Variants in CCT6A observed in about 807,000 individuals in gnomAD.
CCT6A encodes chaperonin containing TCP1 subunit 6A.
CCT6A carries 6 observed loss-of-function variants against 58.6 expected under a neutral mutation model. The ratio of observed to expected loss-of-function variants is 0.10; its 90% CI spans 0.06 to 0.20. The LOEUF (loss-of-function observed/expected upper bound fraction) is 0.20. Ranked by LOEUF, CCT6A falls within the 10% of genes least tolerant of loss-of-function variation. The pLI is 1.00. For synonymous variants in CCT6A, 245 were observed against 227.8 expected, an observed-to-expected ratio of 1.08 and a Z score of -0.68; for missense variants, 516 against 648.8, an observed-to-expected ratio of 0.80 and a Z score of 2.22.
Position 56,053,039 on chromosome 7 carries a change from C to T in CCT6A, c.201+554C>T, listed in dbSNP as rs141002136. Reference sequence around the variant, plus strand: ...GAACGCCTGACTTCAGGCGATCCCCCCGCATCAGCCTCCCAAAGTGCTGGG... The same window carrying T: ...GAACGCCTGACTTCAGGCGATCCCCTCGCATCAGCCTCCCAAAGTGCTGGG... On this transcript the variant is annotated intron_variant, in intron 2 of 13. Transcript: ENST00000275603. 3.2e-4 allele frequency among the ~76,000 whole-genome samples: 48 copies of T among 152,304 alleles called. 2 individuals are homozygous for T. The highest frequency in any genetic ancestry group is 1.1e-3 in the African/African-American group (46 of 41,572).
rs1248754268 is a variant in CCT6A at position 56,062,772 on chromosome 7, GA to G, written c.1523+21del. On this transcript the variant is annotated intron_variant, in intron 13 of 13. Coordinates refer to ENST00000275603, the MANE Select transcript of CCT6A (RefSeq NM_001762.4). ...TCACTCCTGGTAAGTTTGGGAAAAT[GA>G]AAACTAAACTGTTAGAGAATCATAC... is the stretch of plus-strand genomic sequence containing the variant. 1 of 1,584,508 alleles carries G rather than the reference GA, an allele frequency of 6.3e-7. No homozygotes were observed. Among genetic ancestry groups the G allele is most frequent in the Non-Finnish European group, 8.6e-7 (1 of 1,158,026 alleles).
Position 56,054,276 on chromosome 7 carries a change from T to C in CCT6A, c.202-93T>C, listed in dbSNP as rs1235249665. 9.7e-6 allele frequency: 10 copies of C among 1,030,828 alleles called. No individual in the cohort carries two copies. The Admixed American group carries it at 1.9e-4, about 19-fold the overall frequency. The allele number at this position is 1,030,828 out of a possible 1,614,324, so 63.9% of individuals were successfully genotyped here. On this transcript the variant is annotated intron_variant, in intron 2 of 13. Coordinates refer to ENST00000275603, the MANE Select transcript of CCT6A (RefSeq NM_001762.4). ...CATTTGGGTAGCTTTTTCAAGTAGA[T>C]AGCACTCAAAGAGGCCCTTCCTGCA...
At chr7:56,055,452 A>T in intron 3 of CCT6A, 172 bp from the exon 4 acceptor site, 2 of 694,084 alleles carry the variant, frequency 2.9e-6, no homozygotes, top group Non-Finnish European at 5.1e-6. Flanking sequence ...TCTGCTCTGC[A>T]TTGAAAGGAA....
chr7:56,056,551 C>T (rs559895600), intron 5 of CCT6A, 137 bp downstream of exon 5: 17 of 577,658 alleles, frequency 2.9e-5, no homozygotes, highest in Admixed American at 1.5e-4. Flanking sequence ...GGGGAAACCC[C>T]GTCTCTATTA....
At chr7:56,060,490 T>G in intron 10 of CCT6A, 74 bp downstream of exon 10, 1 of 1,486,746 alleles carries the variant, frequency 6.7e-7, no homozygotes, top group Non-Finnish European at 9.4e-7. Context: ...ATACTGTGTT[T>G]TTATCAGTAG....
intron 3 of CCT6A, 61 bp from the exon 4 acceptor site, chr7:56,055,561 CTT>C: frequency 7.2e-7 from 1 of 1,380,166 alleles, no homozygotes; most frequent in Non-Finnish European, 1.0e-6. Flanking sequence ...ATTACCTGAA[CTT>C]TATCATGAAC....
intron 3 of CCT6A, among the ~76,000 whole-genome samples, chr7:56,054,794 ATTTG>A (rs1474787902): frequency 6.6e-6 from 1 of 152,212 alleles, no homozygotes; most frequent in Admixed American, 6.5e-5. Context: ...GACTAGGCAT[ATTTG>A]TTAGGAAAAA....
rs1163870440 is a variant in CCT6A at position 56,058,452 on chromosome 7, A to G, written c.816A>G (p.Lys272=). 2 of 1,605,784 alleles carry G rather than the reference A, an allele frequency of 1.2e-6. No individual in the cohort carries two copies. Among genetic ancestry groups the G allele is most frequent in the Non-Finnish European group, 1.7e-6 (2 of 1,177,020 alleles). The change falls in exon 7 of 14, where the codon AAA becomes AAG. Residue 272 remains lysine (K), a synonymous_variant. Transcript: ENST00000275603. ...GAAAATTCATTGAAGATAGGGTTAA[A>G]AAAATAATAGAACTGAAAAGGAAAG... ...AERKFIEDRV[K]KIIELKRKVC...
chr7:56,061,698 A>G (rs771993359), intron 11 of CCT6A, 49 bp from the exon 12 acceptor site: 4 of 298,414 alleles, frequency 1.3e-5, no homozygotes, highest in Admixed American at 1.5e-4. Context: ...TTTTTTTACT[A>G]TCAGTTATTA....
chr7:56,061,668 CTT>C (rs71015174), intron 11 of CCT6A, 77 bp from the exon 12 acceptor site: 53,264 of 311,560 alleles, frequency 0.17, 4,404 homozygotes, highest in East Asian at 0.33. Flanking sequence ...TTTCTTTTTT[CTT>C]TTTTTTTTTT....
intron 3 of CCT6A, among the ~76,000 whole-genome samples, chr7:56,055,113 A>G (rs760134806): frequency 6.6e-6 from 1 of 152,140 alleles, no homozygotes; most frequent in Admixed American, 6.5e-5. Context: ...GTGTCTACTA[A>G]AAATACAAAA....
Position 56,055,814 on chromosome 7 carries a change from G to T in CCT6A, c.510+17G>T, listed in dbSNP as rs1416088470. On this transcript the variant is annotated intron_variant, in intron 4 of 13. Transcript: ENST00000275603. ...TTAACAGAGGTATGTATTAAATTTT[G>T]TCTATGTCTGGTATAGTATACCTAT... 3 of 1,595,730 alleles carry T rather than the reference G, an allele frequency of 1.9e-6. No individual in the cohort carries two copies. The highest frequency in any genetic ancestry group is 3.4e-5 in the Admixed American group (2 of 59,644).
chr7:56,053,175 TC>T (rs1794218658), intron 2 of CCT6A, among the ~76,000 whole-genome samples: 1 of 152,210 alleles, frequency 6.6e-6, no homozygotes, highest in Non-Finnish European at 1.5e-5. Context: ...TCTTTGCAAG[TC>T]TTAGGGATGG....
At chr7:56,052,351 C>G (rs1420152627) in intron 1 of CCT6A, 71 bp from the exon 2 acceptor site, 2 of 1,413,930 alleles carry the variant, frequency 1.4e-6, no homozygotes, top group African/African-American at 2.8e-5. Context: ...TGGGAAAAGC[C>G]CGTTTTCTAA....
At chr7:56,061,668 C>A in intron 11 of CCT6A, 79 bp from the exon 12 acceptor site, 1 of 297,086 alleles carries the variant, frequency 3.4e-6, no homozygotes, top group Admixed American at 7.0e-5. Flanking sequence ...TTTCTTTTTT[C>A]TTTTTTTTTT....
At chr7:56,057,752 G>A (rs1388615561) in intron 5 of CCT6A, among the ~76,000 whole-genome samples, 3 of 152,158 alleles carry the variant, frequency 2.0e-5, no homozygotes, top group Non-Finnish European at 4.4e-5. Flanking sequence ...ATGGTTGTGG[G>A]TGCCTGTAGT....
intron 2 of CCT6A, among the ~76,000 whole-genome samples, chr7:56,054,151 TGTAAA>T (rs67241699): frequency 0.043 from 6,618 of 152,286 alleles, 256 homozygotes; most frequent in East Asian, 0.2. Flanking sequence ...CTTCCTCATC[TGTAAA>T]GTAGAGATAA....
chr7:56,057,327 A>C (rs958862763), intron 5 of CCT6A, among the ~76,000 whole-genome samples: 1 of 151,662 alleles, frequency 6.6e-6, no homozygotes, highest in Non-Finnish European at 1.5e-5. Context: ...TTTTTCAAAG[A>C]GTTAGTTAGA....
rs1417631161 is a variant in CCT6A at position 56,063,918 on chromosome 7, T to C, written c.*833T>C. The C allele has an allele frequency of 9.6e-5, 32 of 332,608 alleles. No homozygotes were observed. 20.6% of individuals were successfully genotyped at this position (332,608 alleles called of 1,614,324 possible). ...AGTCCTTGAAGGTGAAGTTGTGTGT[T>C]ACTAGGCTGTGTTTTGGGATGTCAG... On this transcript the variant is annotated 3_prime_UTR_variant, in exon 14 of 14. Coordinates refer to ENST00000275603, the MANE Select transcript of CCT6A (RefSeq NM_001762.4).
Sources: allele counts gnomAD v4.1 joint callset (sites outside exome capture counted in the v4.1 genomes callset), GRCh38; gene constraint gnomAD v4.1.1; transcripts MANE v1.5; gene names NCBI Gene and HGNC (gene_info 2026-07-23, HGNC 2026-07-21).